Variants in TMEM87A observed in about 807,000 individuals in gnomAD.
TMEM87A encodes the protein transmembrane protein 87A, also known as Golgi-pH regulating cation channel.
In TMEM87A, 50 loss-of-function variants were observed where a neutral mutation model predicts 90.0. The observed-to-expected ratio is 0.56, with a 90% confidence interval of 0.44 to 0.70. The LOEUF (loss-of-function observed/expected upper bound fraction) is 0.70. Among genes scored for constraint, TMEM87A ranks in the 30% least tolerant of loss-of-function variants. The pLI is 0.00. For missense variants in TMEM87A, 577 were observed against 660.5 expected, an observed-to-expected ratio of 0.87 and a Z score of 1.39; for synonymous variants, 226 against 226.7, an observed-to-expected ratio of 1.00 and a Z score of 0.03.
intron 15 of TMEM87A, among the ~76,000 whole-genome samples, chr15:42,221,772 A>G (rs893080768): frequency 1.3e-5 from 2 of 152,146 alleles, no homozygotes; most frequent in Non-Finnish European, 2.9e-5. Context: ...TTTTTTTGAG[A>G]CAGGGTCTTG....
intron 6 of TMEM87A, among the ~76,000 whole-genome samples, chr15:42,250,438 C>T (rs187353920): frequency 2.0e-4 from 31 of 152,222 alleles, no homozygotes; most frequent in Admixed American, 7.9e-4. Flanking sequence ...TGCTTCCTTC[C>T]GGAACTCTTG....
Position 42,233,256 on chromosome 15 carries a change from T to C in TMEM87A, c.1019A>G (p.Tyr340Cys), listed in dbSNP as rs780501871. The C allele has an allele frequency of 6.2e-7, 1 of 1,613,846 alleles. No homozygotes were observed. Among genetic ancestry groups the C allele is most frequent in the Admixed American group, 1.7e-5 (1 of 59,992 alleles). The change falls in exon 11 of 20, where the codon TAT becomes TGT. Residue 340 changes from tyrosine (Y) to cysteine (C), a missense_variant. Tyr to Cys is a radical substitution (Grantham distance 194). Coordinates refer to ENST00000389834, the MANE Select transcript of TMEM87A (RefSeq NM_015497.5). ...LHKVVVAGAL[Y>C]LLFSGMEGVL... ...CCCTTCCATGCCAGAGAACAAAAGA[T>C]AGAGGGCTCCTGCTACTACAACCTT...
chr15:42,243,215 C>A (rs1238878172), intron 7 of TMEM87A, among the ~76,000 whole-genome samples: 1 of 151,582 alleles, frequency 6.6e-6, no homozygotes, highest in African/African-American at 2.4e-5. Flanking sequence ...TTGCAGTGAG[C>A]CGAGATTACG....
intron 7 of TMEM87A, 61 bp from the exon 8 acceptor site, chr15:42,239,792 CCT>C: frequency 7.2e-7 from 1 of 1,390,946 alleles, no homozygotes; most frequent in Non-Finnish European, 1.0e-6. Context: ...AAAAATATTG[CCT>C]AATATTTGTT....
chr15:42,257,803 T>G, intron 6 of TMEM87A: 1 of 541,702 alleles, frequency 1.8e-6, no homozygotes, highest in Non-Finnish European at 2.4e-6. Context: ...TAAGCAGCCA[T>G]AAAAAGGTGA....
At chr15:42,266,074 T>C (rs1338798907) in intron 3 of TMEM87A, among the ~76,000 whole-genome samples, 1 of 152,208 alleles carries the variant, frequency 6.6e-6, no homozygotes, top group East Asian at 1.9e-4. Flanking sequence ...GGTCTTTGTG[T>C]CTGTTTTGGT....
chr15:42,255,550 A>G (rs2051161853), intron 6 of TMEM87A, among the ~76,000 whole-genome samples: 1 of 151,962 alleles, frequency 6.6e-6, no homozygotes, highest in African/African-American at 2.4e-5. Flanking sequence ...GGCATAAGCC[A>G]CTGCACTGCC....
rs535057521 is a variant in TMEM87A, at chr15:42,241,779, G to A, written c.623-2048C>T. 3.9e-5 allele frequency among the ~76,000 whole-genome samples: 6 copies of A among 152,158 alleles called. No homozygotes were observed. The East Asian group carries it at 7.7e-4, about 20-fold the overall frequency. On this transcript the variant is annotated intron_variant, in intron 7 of 19. Coordinates refer to ENST00000389834, the MANE Select transcript of TMEM87A (RefSeq NM_015497.5). Reference sequence around the variant, plus strand: ...AAGGCGGGCAGATTACTTGAAGTCAGGAGTTCAAGACCAGCCTGGCCAACA... The same window carrying A: ...AAGGCGGGCAGATTACTTGAAGTCAAGAGTTCAAGACCAGCCTGGCCAACA...
At chr15:42,264,009 G>T in intron 4 of TMEM87A, 81 bp downstream of exon 4, 2 of 1,019,970 alleles carry the variant, frequency 2.0e-6, no homozygotes, top group South Asian at 2.9e-5. Flanking sequence ...TACTTGAGAA[G>T]TCGGAAGTGG....
chr15:42,214,646 C>T (rs901318539), intron 19 of TMEM87A, among the ~76,000 whole-genome samples: 4 of 152,130 alleles, frequency 2.6e-5, no homozygotes, highest in Non-Finnish European at 5.9e-5. Flanking sequence ...ATGAAAGTAA[C>T]TCATCTTCAC....
intron 17 of TMEM87A, among the ~76,000 whole-genome samples, chr15:42,219,276 A>G (rs1270617315): frequency 6.6e-6 from 1 of 152,182 alleles, no homozygotes; most frequent in Non-Finnish European, 1.5e-5. Context: ...CTTGCTACTG[A>G]GTTCCTTATA....
intron 4 of TMEM87A, among the ~76,000 whole-genome samples, chr15:42,263,314 G>A (rs771649782): frequency 6.6e-6 from 1 of 152,220 alleles, no homozygotes; most frequent in Non-Finnish European, 1.5e-5. Context: ...AACAAAAGTT[G>A]TATGATTCTA....
chr15:42,223,637 A>G (rs2050536695), intron 15 of TMEM87A, among the ~76,000 whole-genome samples: 1 of 152,234 alleles, frequency 6.6e-6, no homozygotes, highest in African/African-American at 2.4e-5. Context: ...CGACCCAGTA[A>G]GAAGGCCCTC....
At chr15:42,234,067 C>T (rs2050732800) in intron 10 of TMEM87A, among the ~76,000 whole-genome samples, 1 of 152,038 alleles carries the variant, frequency 6.6e-6, no homozygotes, top group Admixed American at 6.5e-5. Flanking sequence ...CAGGCATGAG[C>T]CACTGTGCCT....
intron 10 of TMEM87A, 65 bp downstream of exon 10, chr15:42,236,255 T>C (rs2050768154): frequency 7.7e-7 from 1 of 1,303,306 alleles, no homozygotes; most frequent in African/African-American, 1.5e-5. Context: ...ATTGGGAACA[T>C]GCAATACTGT....
intron 6 of TMEM87A, among the ~76,000 whole-genome samples, chr15:42,260,011 T>C (rs145090239): frequency 1.7e-4 from 26 of 152,136 alleles, no homozygotes; most frequent in Non-Finnish European, 2.6e-4. Context: ...ATTCTGGAAT[T>C]AGCGATTGGT....
chr15:42,219,758 T>C (rs1167063569), intron 16 of TMEM87A, 116 bp from the exon 17 acceptor site: 10 of 710,482 alleles, frequency 1.4e-5, no homozygotes, highest in Non-Finnish European at 2.3e-5. Context: ...TTACTTATCA[T>C]AGTTTTATTT....
At chr15:42,261,711 G>A (rs2051296287) in intron 4 of TMEM87A, among the ~76,000 whole-genome samples, 1 of 149,268 alleles carries the variant, frequency 6.7e-6, no homozygotes, top group African/African-American at 2.5e-5. Context: ...TCGGCTCACT[G>A]CAAGCTCCGC....
rs1302481569 is a variant in TMEM87A at position 42,264,298 on chromosome 15, T to C, written c.292-95A>G. ...ACAAACAGTTCACCTGCAGTACAGA[T>C]ACAATTTTGAGTTTGCTATTTTAAA... On this transcript the variant is annotated intron_variant, in intron 3 of 19. Transcript: ENST00000389834. The C allele has an allele frequency of 2.9e-5, 22 of 766,718 alleles. No individual in the cohort carries two copies. The East Asian group carries it at 4.0e-4, about 14-fold the overall frequency. The allele number at this position is 766,718 out of a possible 1,614,324, so 47.5% of individuals were successfully genotyped here.
Sources: gnomAD v4.1 joint callset for allele counts (sites outside exome capture counted in the v4.1 genomes callset) on GRCh38, gnomAD v4.1.1 for gene constraint, MANE v1.5 for transcripts, NCBI Gene and HGNC (gene_info 2026-07-23, HGNC 2026-07-21) for gene names.